The following ZFP62 variants were observed in gnomAD, a reference collection of about 807,000 sequenced individuals.
ZFP62 encodes zinc finger protein 62 homolog.
ZFP62 carries 44 observed loss-of-function variants against 56.4 expected under a neutral mutation model. The ratio of observed to expected loss-of-function variants is 0.78; its 90% CI spans 0.61 to 1.00. ZFP62 has a LOEUF of 1.00. ZFP62 is among the 50% of genes least tolerant of loss of function. The pLI is 0.00. For synonymous variants in ZFP62, 421 were observed against 388.9 expected (o/e 1.08, Z -0.97); for missense variants, 1,030 against 1,085.7 (o/e 0.95, Z 0.72).
the ZFP62 span, chr5:180,831,644 T>A: frequency 3.3e-5 from 5 of 152,518 alleles, no homozygotes; most frequent in Non-Finnish European, 5.9e-5. Flanking sequence ...CTGGCCGAGC[T>A]GCGCACACCC....
chr5:180,849,380 T>A lies in ZFP62; in HGVS notation c.2115A>T (p.Glu705Asp). The A allele has an allele frequency of 6.4e-7, 1 of 1,551,064 alleles. No individual in the cohort carries two copies. The highest frequency in any genetic ancestry group is 8.7e-7 in the Non-Finnish European group (1 of 1,146,624). The change falls in exon 2 of 2, where the codon GAA becomes GAT. Residue 705 changes from glutamate (E) to aspartate (D), a missense_variant. Physicochemically the swap from Glu to Asp is conservative, Grantham distance 45. Transcript: ENST00000502412. Reference protein sequence around the residue: ...HPGRTPHTCDECGKAFFSSRT... With the variant: ...HPGRTPHTCDDCGKAFFSSRT... Reference sequence around the variant, plus strand: ...TGCTTGAGAAAAAAGCTTTTCCACATTCATCACATGTATGGGGTGTCCTGC... The same window carrying A: ...TGCTTGAGAAAAAAGCTTTTCCACAATCATCACATGTATGGGGTGTCCTGC...
downstream of ZFP62, among the ~76,000 whole-genome samples, chr5:180,843,548 G>GA (rs1199868462): frequency 6.6e-6 from 1 of 151,978 alleles, no homozygotes; most frequent in Admixed American, 6.6e-5. Flanking sequence ...ATTAATACCA[G>GA]AAAAAAAGAG....
At chr5:180,838,423 C>A in the ZFP62 span, among the ~76,000 whole-genome samples, 1 of 152,162 alleles carries the variant, frequency 6.6e-6, no homozygotes, top group African/African-American at 2.4e-5. Flanking sequence ...TAAAAAGATG[C>A]AACACTCACA....
the ZFP62 span, among the ~76,000 whole-genome samples, chr5:180,838,209 A>G: frequency 6.6e-6 from 1 of 152,072 alleles, no homozygotes; most frequent in Non-Finnish European, 1.5e-5. Flanking sequence ...TAGGTGTTGG[A>G]GCCCAAGCAG....
At chr5:180,853,365 C>A (rs1008520557) in intron 1 of ZFP62, among the ~76,000 whole-genome samples, 1 of 152,038 alleles carries the variant, frequency 6.6e-6, no homozygotes, top group Non-Finnish European at 1.5e-5. Flanking sequence ...AAAACAAGCA[C>A]GTATGTGTTT....
chr5:180,846,845 A>G (rs1421938016), downstream of ZFP62, among the ~76,000 whole-genome samples: 1 of 152,172 alleles, frequency 6.6e-6, no homozygotes, highest in Non-Finnish European at 1.5e-5. Flanking sequence ...ATCCTCAAGT[A>G]TTTGCTGAAT....
In ZFP62 at chr5:180,848,885, C is replaced by T; in HGVS notation, c.2610G>A (p.Val870=). ...TGCCACTATAACTTCCCACATATAT[C>T]ACATTTAAAGATTCCTCTCCAGTAT... ...RTHTGEESLN[V]IYVGSYSGTS... The change falls in exon 2 of 2, where the codon GTG becomes GTA. Residue 870 remains valine, a synonymous_variant. Coordinates refer to ENST00000502412, the MANE Select transcript of ZFP62 (RefSeq NM_001172638.2). The T allele has an allele frequency of 6.4e-7, 1 of 1,551,678 alleles. No individual in the cohort carries two copies. Among genetic ancestry groups the T allele is most frequent in the Non-Finnish European group, 8.7e-7 (1 of 1,146,958 alleles).
chr5:180,849,073 G>C lies in ZFP62; in HGVS notation c.2422C>G (p.Gln808Glu). Residue 808 changes from glutamine to glutamate, a missense_variant, in exon 2 of 2, where the codon CAG becomes GAG. Gln to Glu is a conservative substitution (Grantham distance 29). Coordinates refer to ENST00000502412, the MANE Select transcript of ZFP62 (RefSeq NM_001172638.2). ...SSLINHKSVH[Q>E]GKQPYNCECG... ...TCACAATTATAGGGCTGCTTCCCCT[G>C]GTGGACACTTTTATGATTGATAAGA... 1 of 1,552,312 alleles carries C rather than the reference G, an allele frequency of 6.4e-7. No homozygotes were observed.
At chr5:180,845,491 C>G (rs149456384), downstream of ZFP62, among the ~76,000 whole-genome samples, 3 of 152,240 alleles carry the variant, frequency 2.0e-5, no homozygotes, top group East Asian at 3.9e-4. Context: ...TGACTCTACA[C>G]AGGTTTCATG....
At chr5:180,845,814 G>A, downstream of ZFP62, 1 of 985,418 alleles carries the variant, frequency 1.0e-6, no homozygotes, top group South Asian at 4.7e-5. Flanking sequence ...ATCCCACGGA[G>A]GAAAATTCCC....
rs373641672 is a variant in ZFP62 at position 180,851,226 on chromosome 5, G to C, written c.269C>G (p.Ser90Cys). The C allele has an allele frequency of 1.3e-6, 2 of 1,551,544 alleles. No individual in the cohort carries two copies. The highest frequency in any genetic ancestry group is 1.2e-5 in the South Asian group (1 of 84,070). Residue 90 changes from serine (S) to cysteine (C), a missense_variant, in exon 2 of 2, where the codon TCT (serine) becomes TGT (cysteine). Physicochemically the swap from Ser to Cys is moderately radical, Grantham distance 112. Coordinates refer to ENST00000502412, the MANE Select transcript of ZFP62 (RefSeq NM_001172638.2). ...TGGGCTCAGATGCAAGCTCTTCTCA[G>C]ATGCCTCACCTTCCTGTTCTGTCTT... is the stretch of plus-strand genomic sequence containing the variant. Reference protein sequence around the residue: ...NIKTEQEGEASEKSLHLSPQH... With the variant: ...NIKTEQEGEACEKSLHLSPQH...
In ZFP62 at chr5:180,847,932, G is replaced by C. The variant is rs770047139; in HGVS notation, c.*860C>G. 2.0e-6 allele frequency: 2 copies of C among 985,378 alleles called. No individual in the cohort carries two copies. Among genetic ancestry groups the C allele is most frequent in the South Asian group, 9.4e-5 (2 of 21,288 alleles). 61.0% of individuals were successfully genotyped at this position (985,378 alleles called of 1,614,324 possible). A position where few individuals can be genotyped will look rare whatever the true frequency, so the allele number is the denominator to read the frequency against. On this transcript the variant is annotated 3_prime_UTR_variant, in exon 2 of 2. Coordinates refer to ENST00000502412, the MANE Select transcript of ZFP62 (RefSeq NM_001172638.2). ...GAATCACTTCTGTCATGTAAGGTGC[G>C]AATTCATGTTGACGGTGTGTTCCAT...
At chr5:180,858,087 T>C (rs1230994061) in intron 1 of ZFP62, among the ~76,000 whole-genome samples, 1 of 58,552 alleles carries the variant, frequency 1.7e-5, no homozygotes, top group East Asian at 1.9e-3. Context: ...ACCCCATCTC[T>C]ACTAAAAAAA....
chr5:180,848,983 T>C lies in ZFP62; in HGVS notation c.2512A>G (p.Lys838Glu), dbSNP rs1053550453. The change falls in exon 2 of 2, where the codon AAG becomes GAG. Residue 838 changes from lysine to glutamate, a missense_variant. Coordinates refer to ENST00000502412, the MANE Select transcript of ZFP62 (RefSeq NM_001172638.2). Reference protein sequence around the residue: ...DQHKRIHTGKKPYRCNECGKA... With the variant: ...DQHKRIHTGKEPYRCNECGKA... ...CCACACTCATTACATCGGTATGGCT[T>C]CTTTCCAGTGTGGATCCTTTTGTGC... The C allele has an allele frequency of 6.4e-6, 10 of 1,551,766 alleles. No homozygotes were observed. The highest frequency in any genetic ancestry group is 2.0e-5 in the Admixed American group (1 of 50,998).
rs1319732333 is a variant in ZFP62 at position 180,847,678 on chromosome 5, C to T, written c.*1114G>A. On this transcript the variant is annotated 3_prime_UTR_variant, in exon 2 of 2. Transcript: ENST00000502412. ...CGCCACAAGGAGCTGGCTTTCATGA[C>T]AAAGAGAGAGTGAGCCCTGAACAAA... 1.0e-6 allele frequency: 1 copy of T among 985,440 alleles called. No homozygotes were observed. Among genetic ancestry groups the T allele is most frequent in the African/African-American group, 1.7e-5 (1 of 57,364 alleles). 61.0% of individuals were successfully genotyped at this position (985,440 alleles called of 1,614,324 possible).
the ZFP62 span, among the ~76,000 whole-genome samples, chr5:180,839,091 G>A: frequency 6.6e-6 from 1 of 152,222 alleles, no homozygotes; most frequent in Non-Finnish European, 1.5e-5. Flanking sequence ...AATGCAGAAA[G>A]ATGTATGTGG....
chr5:180,841,485 C>T, the ZFP62 span, among the ~76,000 whole-genome samples: 2 of 151,964 alleles, frequency 1.3e-5, no homozygotes, highest in Admixed American at 6.6e-5. Context: ...CAAAGAGGGG[C>T]TGTGGGCTGT....
chr5:180,854,002 G>T (rs1439381988), intron 1 of ZFP62, among the ~76,000 whole-genome samples: 1 of 152,180 alleles, frequency 6.6e-6, no homozygotes, highest in Non-Finnish European at 1.5e-5. Flanking sequence ...AGCCTGTATG[G>T]CTGTATGCAT....
the ZFP62 span, among the ~76,000 whole-genome samples, chr5:180,841,558 C>G: frequency 0.69 from 104,488 of 151,972 alleles, 37,884 homozygotes; most frequent in East Asian, 0.96. Context: ...AGACAGCAGT[C>G]TATCAGTCAG....
Sources: gnomAD v4.1 joint callset for allele counts (sites outside exome capture counted in the v4.1 genomes callset) on GRCh38, gnomAD v4.1.1 for gene constraint, MANE v1.5 for transcripts, NCBI Gene and HGNC (gene_info 2026-07-23, HGNC 2026-07-21) for gene names.